Variants in SLC44A1 observed in about 807,000 individuals in gnomAD.
SLC44A1 encodes the protein solute carrier family 44 member 1.
A neutral mutation model predicts 79.3 loss-of-function variants in SLC44A1; 26 were observed. The observed-to-expected ratio is 0.33, with a 90% confidence interval of 0.24 to 0.46. SLC44A1 has a LOEUF of 0.46. SLC44A1 is among the 20% of genes least tolerant of loss of function. SLC44A1 has a pLI of 1.00. For missense variants in SLC44A1, 688 were observed against 798.1 expected (o/e 0.86, Z 1.66); for synonymous variants, 263 against 286.2 (o/e 0.92, Z 0.82).
chr9:105,351,550 A>AAGAG lies in SLC44A1; in HGVS notation c.500+3102_500+3103insGAGA, dbSNP rs755270422. ...CCTGTCTGAAAGAAAGAAAGAAAGA[A>AAGAG]AGAAAGAGAGAAAGAGAGAAAGAGA... is the stretch of plus-strand genomic sequence containing the variant. On this transcript the variant is annotated intron_variant, in intron 5 of 15. Transcript: ENST00000374720. 8.1e-4 allele frequency among the ~76,000 whole-genome samples: 81 copies of AAGAG among 100,276 alleles called. 1 individual carries two copies. Among genetic ancestry groups the AAGAG allele is most frequent in the South Asian group, 2.9e-3 (8 of 2,742 alleles). 65.8% of individuals were successfully genotyped at this position (100,276 alleles called of 152,430 possible).
chr9:105,383,251 G>T lies in SLC44A1; in HGVS notation c.1761G>T (p.Leu587=), dbSNP rs780001835. 1 of 1,613,670 alleles carries T rather than the reference G, an allele frequency of 6.2e-7. No individual in the cohort carries two copies. Among genetic ancestry groups the T allele is most frequent in the Non-Finnish European group, 8.5e-7 (1 of 1,179,758 alleles). The part of the protein sequence containing the change: ...LFAFLVAHCF[L]SIYEMVVDVL... ...CTTTCCTAGTCGCTCATTGCTTCCTGTCTATTTATGAAATGGTAGTGGATG... is the reference window on the plus strand; with the variant it reads ...CTTTCCTAGTCGCTCATTGCTTCCTTTCTATTTATGAAATGGTAGTGGATG... Residue 587 remains leucine, a synonymous_variant, in exon 14 of 16, where the codon CTG becomes CTT. Transcript: ENST00000374720.
chr9:105,279,764 G>T (rs538742751), intron 1 of SLC44A1, among the ~76,000 whole-genome samples: 1 of 151,954 alleles, frequency 6.6e-6, no homozygotes, highest in South Asian at 2.1e-4. Flanking sequence ...GTTCTAACTC[G>T]TGCAATAATC....
At chr9:105,278,104 C>A (rs1206080436) in intron 1 of SLC44A1, among the ~76,000 whole-genome samples, 1 of 151,976 alleles carries the variant, frequency 6.6e-6, no homozygotes, top group Non-Finnish European at 1.5e-5. Flanking sequence ...CTCTGTCACC[C>A]AGACTGGAGT....
At chr9:105,418,335 A>AG (rs1233890516) in intron 15 of SLC44A1, among the ~76,000 whole-genome samples, 3 of 149,098 alleles carry the variant, frequency 2.0e-5, no homozygotes, top group Non-Finnish European at 4.5e-5. Context: ...AAAAAAAAAA[A>AG]GAAAGAAAGA....
At chr9:105,307,449 G>A (rs1181336005) in intron 2 of SLC44A1, among the ~76,000 whole-genome samples, 1 of 152,122 alleles carries the variant, frequency 6.6e-6, no homozygotes, top group East Asian at 1.9e-4. Context: ...TTTGAGACCA[G>A]CCTGGCCAAT....
intron 15 of SLC44A1, among the ~76,000 whole-genome samples, chr9:105,417,839 CA>C (rs146589405): frequency 0.13 from 7,336 of 57,920 alleles, 295 homozygotes; most frequent in African/African-American, 0.23. Context: ...CTCATCCCTA[CA>C]AAAAAAAAAA....
chr9:105,372,818 C>T (rs1054524645), intron 12 of SLC44A1, among the ~76,000 whole-genome samples: 1 of 146,672 alleles, frequency 6.8e-6, no homozygotes, highest in African/African-American at 2.4e-5. Context: ...GGCGTAGTGG[C>T]GGGCGCCTGT....
chr9:105,365,824 C>T (rs191834499), intron 11 of SLC44A1, among the ~76,000 whole-genome samples, 185 bp downstream of exon 11: 77 of 152,300 alleles, frequency 5.1e-4, no homozygotes, highest in African/African-American at 1.8e-3. Flanking sequence ...CAAAATTCAT[C>T]CAGTCACTAG....
intron 1 of SLC44A1, among the ~76,000 whole-genome samples, chr9:105,248,096 A>G (rs1239414350): frequency 1.3e-5 from 2 of 152,230 alleles, no homozygotes; most frequent in African/African-American, 2.4e-5. Flanking sequence ...AACCTACACA[A>G]CACATGAAAA....
rs1339883495 is a variant in SLC44A1, at chr9:105,244,888, C to A, written c.20C>A (p.Ala7Asp). The A allele has an allele frequency of 1.5e-5, 18 of 1,176,092 alleles. No individual in the cohort carries two copies. Among genetic ancestry groups the A allele is most frequent in the Non-Finnish European group, 1.8e-5 (17 of 953,456 alleles). The allele number at this position is 1,176,092 out of a possible 1,614,324, so 72.9% of individuals were successfully genotyped here. ...CCCGCCATGGGCTGCTGCAGCTCCG[C>A]CTCCTCCGCCGCGCAGGTGAGGGGC... is the stretch of plus-strand genomic sequence containing the variant. MGCCSSASSAAQSSKRE... is the reference protein window; with the variant it reads MGCCSSDSSAAQSSKRE... Residue 7 changes from alanine (A) to aspartate (D), a missense_variant, in exon 1 of 16, where the codon GCC (alanine) becomes GAC (aspartate). Ala to Asp is a moderately radical substitution (Grantham distance 126). Transcript: ENST00000374720.
intron 15 of SLC44A1, among the ~76,000 whole-genome samples, chr9:105,422,551 G>T (rs1322999835): frequency 6.6e-6 from 1 of 152,044 alleles, no homozygotes; most frequent in African/African-American, 2.4e-5. Context: ...CTCCCAAAGT[G>T]CTGGGATTAC....
intron 3 of SLC44A1, among the ~76,000 whole-genome samples, chr9:105,325,775 C>A (rs530830455): frequency 6.6e-6 from 1 of 152,236 alleles, no homozygotes; most frequent in African/African-American, 2.4e-5. Context: ...AGGAGTAATT[C>A]TAATGGATAG....
chr9:105,327,457 A>G (rs1826615849), intron 3 of SLC44A1, among the ~76,000 whole-genome samples: 1 of 151,986 alleles, frequency 6.6e-6, no homozygotes, highest in Non-Finnish European at 1.5e-5. Context: ...TAATTTCTGT[A>G]TTTTTAGTAG....
intron 15 of SLC44A1, among the ~76,000 whole-genome samples, chr9:105,408,041 C>A (rs1475362507): frequency 2.6e-5 from 4 of 151,992 alleles, no homozygotes; most frequent in African/African-American, 9.7e-5. Context: ...TGGTAGGCGC[C>A]TGTAATCCCA....
chr9:105,416,398 G>T (rs904379279), intron 15 of SLC44A1, among the ~76,000 whole-genome samples: 2 of 152,084 alleles, frequency 1.3e-5, no homozygotes, highest in African/African-American at 4.8e-5. Flanking sequence ...GCTCACAGTT[G>T]AGGGATGGAG....
At chr9:105,378,172 C>T (rs572750544) in intron 13 of SLC44A1, among the ~76,000 whole-genome samples, 1 of 152,336 alleles carries the variant, frequency 6.6e-6, no homozygotes, top group African/African-American at 2.4e-5. Context: ...TTGGTTGAAT[C>T]TGGGAGGTGG....
rs1828846202 is a variant in SLC44A1, at chr9:105,394,982, T to C, written c.*5926T>C. 2 of 985,326 alleles carry C rather than the reference T, an allele frequency of 2.0e-6. No individual in the cohort carries two copies. The highest frequency in any genetic ancestry group is 2.4e-6 in the Non-Finnish European group (2 of 829,956). 61.0% of individuals were successfully genotyped at this position (985,326 alleles called of 1,614,324 possible). A position where few individuals can be genotyped will look rare whatever the true frequency, so the allele number is the denominator to read the frequency against. On this transcript the variant is annotated 3_prime_UTR_variant, in exon 16 of 16. Transcript: ENST00000374720. ...GCACCTTACTATTAGGTAAGGGTGC[T>C]GCATCTACATGGAAGGCTCCCTGGG...
intron 3 of SLC44A1, among the ~76,000 whole-genome samples, chr9:105,326,068 G>A (rs1304772710): frequency 6.6e-6 from 1 of 152,152 alleles, no homozygotes; most frequent in East Asian, 1.9e-4. Context: ...TTTTTTATGT[G>A]AAATGTTCTT....
chr9:105,371,859 T>G (rs1020178260), intron 12 of SLC44A1, among the ~76,000 whole-genome samples: 17 of 151,924 alleles, frequency 1.1e-4, no homozygotes, highest in African/African-American at 4.1e-4. Context: ...TGGGAACCAA[T>G]CTGTGTTCTT....
Sources: allele counts gnomAD v4.1 joint callset (sites outside exome capture counted in the v4.1 genomes callset), GRCh38; gene constraint gnomAD v4.1.1; transcripts MANE v1.5; gene names NCBI Gene and HGNC (gene_info 2026-07-23, HGNC 2026-07-21).